MSL3: variants seen among roughly 807,000 people sequenced by gnomAD.
MSL3 encodes MSL3-like 1.
A neutral mutation model predicts 37.2 loss-of-function variants in MSL3; 5 were observed. The ratio of observed to expected loss-of-function variants is 0.13; its 90% CI spans 0.07 to 0.28. The LOEUF is 0.28. MSL3 is among the 10% of genes least tolerant of loss of function. MSL3 has a pLI of 1.00. For synonymous variants in MSL3, 149 were observed against 147.6 expected, an observed-to-expected ratio of 1.01 and a Z score of -0.07; for missense variants, 315 against 408.5, an observed-to-expected ratio of 0.77 and a Z score of 1.97.
chrX:11,771,302 C>T (rs370756619), intron 10 of MSL3, among the ~76,000 whole-genome samples: 24 of 112,022 alleles, frequency 2.1e-4, no homozygotes, highest in African/African-American at 7.1e-4. Flanking sequence ...AGTACTTTTA[C>T]GGAAATTCAT....
At position 11,765,496 on chromosome X, in the gene MSL3, C is replaced by T; in HGVS notation, c.938C>T (p.Pro313Leu). The change falls in exon 9 of 13, where the codon CCT becomes CTT. Residue 313 changes from proline to leucine, a missense_variant. Physicochemically the swap from Pro to Leu is moderately conservative, Grantham distance 98. Coordinates refer to ENST00000312196, the MANE Select transcript of MSL3 (RefSeq NM_078629.4). The part of the protein sequence containing the change: ...RSQEELSPSP[P>L]LLNPSTPQST... ...CAGGAGGAACTCTCTCCCAGTCCGC[C>T]TTTGTTGAATCCATCCACGCCACAG... 8.3e-7 allele frequency: 1 copy of T among 1,201,509 alleles called. No individual in the cohort carries two copies. The highest frequency in any genetic ancestry group is 1.1e-6 in the Non-Finnish European group (1 of 889,543).
rs149516867 is a variant in MSL3 at position 11,772,813 on chromosome X, G to T, written c.1466+108G>T. 1.1e-4 allele frequency: 48 copies of T among 440,135 alleles called. No homozygotes were observed. In the Admixed American group the frequency reaches 1.3e-3, roughly 12 times the overall value. 36.3% of individuals were successfully genotyped at this position (440,135 alleles called of 1,213,427 possible). ...CAGCTCTGTGATATTTTAAATAGTA[G>T]AAGTATTACCTAAGCATGGTTGGTT... On this transcript the variant is annotated intron_variant, in intron 12 of 12. Coordinates refer to ENST00000312196, the MANE Select transcript of MSL3 (RefSeq NM_078629.4).
intron 10 of MSL3, among the ~76,000 whole-genome samples, chrX:11,769,575 A>G (rs772842032): frequency 8.1e-5 from 9 of 111,565 alleles, no homozygotes; most frequent in Non-Finnish European, 1.5e-4. Context: ...TGCACAAGGG[A>G]AAATGGCTTT....
At position 11,775,034 on chromosome X, in the gene MSL3, C is replaced by G; in HGVS notation, c.1521C>G (p.Ala507=). The G allele has an allele frequency of 8.3e-7, 1 of 1,209,969 alleles. No individual in the cohort carries two copies. The highest frequency in any genetic ancestry group is 1.1e-6 in the Non-Finnish European group (1 of 894,274). ...TCCCAGAGTCGGCTTATGTCGCTGC[C>G]TGTGAGGCACATTACAGCACCAAGA... ...DFFPESAYVA[A]CEAHYSTKNP... Residue 507 remains alanine, a synonymous_variant, in exon 13 of 13, where the codon GCC becomes GCG. Transcript: ENST00000312196.
chrX:11,774,742 G>A (rs923897630), intron 12 of MSL3, among the ~76,000 whole-genome samples: 13 of 111,091 alleles, frequency 1.2e-4, no homozygotes, highest in African/African-American at 4.3e-4. Flanking sequence ...GTGGAGTGTA[G>A]GTTCTGTTTC....
rs1569092873 is a variant in MSL3 at position 11,760,900 on chromosome X, C to T, written c.345C>T (p.Gly115=). Residue 115 remains glycine (G), a synonymous_variant, in exon 4 of 13, where the codon GGC becomes GGT. Transcript: ENST00000312196. ...RLPGVDSVLK[G]LPTEEKDEND... is the part of the protein sequence containing the mutation. Reference sequence around the variant, plus strand: ...CTGGTGTGGACTCTGTCTTAAAAGGCCTCCCCACTGAAGAAAAAGATGAAA... The same window carrying T: ...CTGGTGTGGACTCTGTCTTAAAAGGTCTCCCCACTGAAGAAAAAGATGAAA... 8.3e-7 allele frequency: 1 copy of T among 1,199,726 alleles called. No homozygotes were observed. The highest frequency in any genetic ancestry group is 2.2e-5 in the Admixed American group (1 of 44,958).
At chrX:11,767,931 CTG>C (rs951371413) in intron 9 of MSL3, 58 of 752,644 alleles carry the variant, frequency 7.7e-5, no homozygotes, top group South Asian at 6.1e-4. Context: ...TTTAAAAAGA[CTG>C]TTTTTAAAAA....
chrX:11,758,569 C>T (rs990617400), intron 1 of MSL3: 3 of 1,107,062 alleles, frequency 2.7e-6, no homozygotes, highest in Admixed American at 6.7e-5. Context: ...TTCCTTCCGT[C>T]AGGCCGGGCG....
chrX:11,768,886 A>T, intron 10 of MSL3: 1 of 373,346 alleles, frequency 2.7e-6, no homozygotes, highest in Non-Finnish European at 4.7e-6. Flanking sequence ...CTACACTGAC[A>T]ATCATCTTTT....
intron 1 of MSL3, chrX:11,758,696 T>C (rs1387390751): frequency 8.6e-7 from 1 of 1,166,698 alleles, no homozygotes; most frequent in Admixed American, 2.6e-5. Flanking sequence ...ACGGTTTCTG[T>C]CTTCGCGTTA....
Position 11,762,192 on chromosome X carries a change from C to G in MSL3, c.528C>G (p.Ile176Met). The change falls in exon 6 of 13, where the codon ATC (isoleucine) becomes ATG (methionine). Residue 176 changes from isoleucine to methionine, a missense_variant. Physicochemically the swap from Ile to Met is conservative, Grantham distance 10 (BLOSUM62 1). Transcript: ENST00000312196. ...AAGAAAGAACAATAACTATAGAAAT[C>G]CCTGAAGTTCTGAAGAAGCAGCTGG... ...EMEERTITIE[I>M]PEVLKKQLED... 4.3e-6 allele frequency: 5 copies of G among 1,163,622 alleles called. No individual in the cohort carries two copies. The highest frequency in any genetic ancestry group is 5.8e-6 in the Non-Finnish European group (5 of 868,074).
chrX:11,758,645 C>A (rs1052970110), intron 1 of MSL3: 37 of 1,158,916 alleles, frequency 3.2e-5, no homozygotes, highest in Non-Finnish European at 3.9e-5. Context: ...TTTGCGCCCC[C>A]GACTGCAACG....
rs1233293035 is a variant in MSL3 at position 11,775,117 on chromosome X, G to C, written c.*38G>C. The C allele has an allele frequency of 1.9e-6, 2 of 1,036,687 alleles. No individual in the cohort carries two copies. Among genetic ancestry groups the C allele is most frequent in the Admixed American group, 4.6e-5 (2 of 43,905 alleles). 85.4% of individuals were successfully genotyped at this position (1,036,687 alleles called of 1,213,427 possible). A position where few individuals can be genotyped will look rare whatever the true frequency, so the allele number is the denominator to read the frequency against. ...TCTGTAAGAGCAACTGCTCTGTCTAGTTTGGCGCTCTGGGTTCCAGGTGAA... is the reference window on the plus strand; with the variant it reads ...TCTGTAAGAGCAACTGCTCTGTCTACTTTGGCGCTCTGGGTTCCAGGTGAA... On this transcript the variant is annotated 3_prime_UTR_variant, in exon 13 of 13. Coordinates refer to ENST00000312196, the MANE Select transcript of MSL3 (RefSeq NM_078629.4).
At chrX:11,763,660 A>T in intron 7 of MSL3, 120 bp from the exon 8 acceptor site, 1 of 490,755 alleles carries the variant, frequency 2.0e-6, no homozygotes, top group Non-Finnish European at 3.4e-6. Context: ...GTGTGTATGT[A>T]GGTGTAGTAT....
intron 4 of MSL3, 96 bp downstream of exon 4, chrX:11,761,033 C>A: frequency 3.3e-6 from 2 of 598,253 alleles, no homozygotes; most frequent in Non-Finnish European, 5.2e-6. Flanking sequence ...ACACTTCAAG[C>A]TCATTATGTA....
At chrX:11,767,067 G>C in intron 9 of MSL3, 1 of 753,852 alleles carries the variant, frequency 1.3e-6, no homozygotes, top group Non-Finnish European at 1.6e-6. Context: ...CCATTTCCTT[G>C]TGTACATCCT....
rs139799941 is a variant in MSL3 at position 11,769,489 on chromosome X, G to A, written c.1281+807G>A. ...TGAGTTTGTCAGGGATTCTGAAGAC[G>A]TCTCAGTTTATCAGCATATTCTGTG... is the stretch of plus-strand genomic sequence containing the variant. On this transcript the variant is annotated intron_variant, in intron 10 of 12. Transcript: ENST00000312196. 6.2e-5 allele frequency among the ~76,000 whole-genome samples: 7 copies of A among 112,856 alleles called. No individual in the cohort carries two copies. The East Asian group carries it at 8.3e-4, about 13-fold the overall frequency.
At chrX:11,772,938 GT>G (rs1236065691) in intron 12 of MSL3, among the ~76,000 whole-genome samples, 12 of 111,101 alleles carry the variant, frequency 1.1e-4, no homozygotes, top group Admixed American at 6.7e-4. Flanking sequence ...CAGAGGTGAA[GT>G]TTTTTTGTCT....
intron 8 of MSL3, 132 bp from the exon 9 acceptor site, chrX:11,765,335 G>A: frequency 1.3e-6 from 1 of 747,140 alleles, no homozygotes; most frequent in Non-Finnish European, 1.9e-6. Flanking sequence ...CAGAGTTATG[G>A]AGAGGGTCCA....
Sources: gnomAD v4.1 joint callset for allele counts (sites outside exome capture counted in the v4.1 genomes callset) on GRCh38, gnomAD v4.1.1 for gene constraint, MANE v1.5 for transcripts, NCBI Gene and HGNC (gene_info 2026-07-23, HGNC 2026-07-21) for gene names.